Variants in RAE1 observed in about 807,000 individuals in gnomAD.
The protein encoded by RAE1 is mRNA export factor RAE1.
In RAE1, 13 loss-of-function variants were observed where a neutral mutation model predicts 52.7. That is an observed-to-expected ratio of 0.25 (90% CI 0.16 to 0.39). The LOEUF (loss-of-function observed/expected upper bound fraction) is 0.39. RAE1 is among the 10% of genes least tolerant of loss of function. RAE1 has a pLI of 1.00. For missense variants in RAE1, 262 were observed against 459.8 expected, an observed-to-expected ratio of 0.57 and a Z score of 3.93; for synonymous variants, 164 against 153.1, an observed-to-expected ratio of 1.07 and a Z score of -0.52.
At chr20:57,357,398 A>G (rs1193960455) in intron 4 of RAE1, 1 of 152,122 alleles carries the variant, frequency 6.6e-6, no homozygotes, top group East Asian at 1.9e-4. Context: ...GCATTAACGT[A>G]TGGTGATTGT....
At chr20:57,364,698 A>G (rs1333982298) in intron 4 of RAE1, among the ~76,000 whole-genome samples, 1 of 152,230 alleles carries the variant, frequency 6.6e-6, no homozygotes, top group African/African-American at 2.4e-5. Flanking sequence ...GGGTGCTTTC[A>G]AGCTGCAGTG....
intron 4 of RAE1, among the ~76,000 whole-genome samples, chr20:57,356,965 G>A (rs1281144499): frequency 6.6e-6 from 1 of 152,190 alleles, no homozygotes; most frequent in Non-Finnish European, 1.5e-5. Context: ...GAACACCCCA[G>A]CCTCTCTCCT....
In RAE1 at chr20:57,366,914, A is replaced by G. The variant is rs745862736; in HGVS notation, c.462+21A>G. 16 of 1,595,422 alleles carry G rather than the reference A, an allele frequency of 1.0e-5. No homozygotes were observed. The East Asian group carries it at 3.6e-4, about 36-fold the overall frequency. On this transcript the variant is annotated intron_variant, in intron 6 of 11. Transcript: ENST00000395841. ...TAAAGGTATAATGTGCAGTTGAGGC[A>G]TTGTTTGGCCCCATCAGGATTGTCA...
At chr20:57,353,399 G>C (rs1291874806) in intron 1 of RAE1, among the ~76,000 whole-genome samples, 1 of 152,200 alleles carries the variant, frequency 6.6e-6, no homozygotes, top group East Asian at 1.9e-4. Context: ...ACCCTGGTGG[G>C]CCTGTTAGAT....
chr20:57,377,499 G>A (rs2067132931), intron 11 of RAE1, among the ~76,000 whole-genome samples: 1 of 152,158 alleles, frequency 6.6e-6, no homozygotes, highest in African/African-American at 2.4e-5. Context: ...ATCCCCTCCG[G>A]TGTGGGCCCG....
intron 5 of RAE1, among the ~76,000 whole-genome samples, chr20:57,366,073 C>T (rs557191141): frequency 6.6e-6 from 1 of 152,320 alleles, no homozygotes; most frequent in East Asian, 1.9e-4. Flanking sequence ...CTAGAAACAT[C>T]TCATTGATCT....
At chr20:57,374,397 GTGT>G (rs1421208122) in intron 10 of RAE1, among the ~76,000 whole-genome samples, 1 of 152,172 alleles carries the variant, frequency 6.6e-6, no homozygotes, top group African/African-American at 2.4e-5. Context: ...ACTTTCTCTG[GTGT>G]GCAGCCCTCA....
At chr20:57,374,920 C>A in intron 11 of RAE1, 119 bp downstream of exon 11, 2 of 1,109,148 alleles carry the variant, frequency 1.8e-6, no homozygotes, top group Non-Finnish European at 1.4e-6. Context: ...TTGGGCAGGT[C>A]ACCGTCCCCT....
At chr20:57,374,556 T>G (rs1231058421) in intron 10 of RAE1, 51 bp from the exon 11 acceptor site, 1 of 1,533,334 alleles carries the variant, frequency 6.5e-7, no homozygotes, top group East Asian at 2.3e-5. Context: ...GGGTGGAACC[T>G]TCTCTGCGCC....
At chr20:57,355,780 AG>A (rs1261036464) in intron 3 of RAE1, among the ~76,000 whole-genome samples, 1 of 152,244 alleles carries the variant, frequency 6.6e-6, no homozygotes, top group Non-Finnish European at 1.5e-5. Context: ...TTAGGAGAAC[AG>A]GAGGGAGGAT....
chr20:57,351,286 C>T lies in RAE1; in HGVS notation c.-144C>T, dbSNP rs773635554. 89 of 985,492 alleles carry T rather than the reference C, an allele frequency of 9.0e-5. No individual in the cohort carries two copies. The highest frequency in any genetic ancestry group is 1.1e-4 in the Non-Finnish European group (88 of 829,950). 61.0% of individuals were successfully genotyped at this position (985,492 alleles called of 1,614,324 possible). A position where few individuals can be genotyped will look rare whatever the true frequency, so the allele number is the denominator to read the frequency against. On this transcript the variant is annotated 5_prime_UTR_variant, in exon 1 of 12. Transcript: ENST00000395841. ...GCGGTAGTCAGGGCAGTTTCTACCG[C>T]AGGCTTAAGGAGGCTTCGGGCTCCT...
intron 4 of RAE1, among the ~76,000 whole-genome samples, chr20:57,356,951 G>T (rs955282815): frequency 1.3e-5 from 2 of 152,198 alleles, no homozygotes; most frequent in African/African-American, 4.8e-5. Context: ...GGGAGCCAGG[G>T]GTTGAACACC....
rs772464481 is a variant in RAE1 at position 57,365,430 on chromosome 20, A to C, written c.363A>C (p.Ile121=). 13 of 1,604,718 alleles carry C rather than the reference A, an allele frequency of 8.1e-6. No individual in the cohort carries two copies. The highest frequency in any genetic ancestry group is 1.0e-5 in the Non-Finnish European group (12 of 1,174,068). Residue 121 remains isoleucine, a synonymous_variant, in exon 5 of 12, where the codon ATA becomes ATC. Transcript: ENST00000395841. ...KMWDLSSNQA[I]QIAQHDAPVK... is the part of the protein sequence containing the mutation. ...GGGACCTCAGCAGTAACCAAGCGAT[A>C]CAGATCGCACAGGTAACAGAAGCCT...
chr20:57,361,074 G>GA (rs1453405416), intron 4 of RAE1, among the ~76,000 whole-genome samples: 2 of 150,766 alleles, frequency 1.3e-5, no homozygotes, highest in African/African-American at 2.5e-5. Flanking sequence ...TACTTAAGTG[G>GA]AAAATTAAAG....
intron 8 of RAE1, among the ~76,000 whole-genome samples, chr20:57,370,702 C>G (rs983238292): frequency 6.6e-6 from 1 of 152,366 alleles, no homozygotes; most frequent in Non-Finnish European, 1.5e-5. Context: ...GTACCATCTA[C>G]TTTATACGTA....
intron 3 of RAE1, among the ~76,000 whole-genome samples, chr20:57,356,163 G>A (rs2066783033): frequency 6.6e-6 from 1 of 152,188 alleles, no homozygotes; most frequent in Non-Finnish European, 1.5e-5. Context: ...GAATGGTAAT[G>A]GGTAAGTGAT....
rs567280574 is a variant in RAE1, at chr20:57,375,168, C to T, written c.1020+367C>T. 6.7e-5 allele frequency: 42 copies of T among 622,236 alleles called. No individual in the cohort carries two copies. The East Asian group carries it at 1.1e-3, about 17-fold the overall frequency. The allele number at this position is 622,236 out of a possible 1,614,324, so 38.5% of individuals were successfully genotyped here. On this transcript the variant is annotated intron_variant, in intron 11 of 11. Coordinates refer to ENST00000395841, the MANE Select transcript of RAE1 (RefSeq NM_003610.4). The stretch of plus-strand genomic sequence containing the variant: ...TTGCTTGGTTGGCTGGTGGTTTGGG[C>T]AGGGGGAGTTAGGAGCTGGCAGGAG...
intron 4 of RAE1, chr20:57,358,334 G>A (rs890555774): frequency 1.3e-5 from 2 of 152,228 alleles, no homozygotes; most frequent in South Asian, 2.1e-4. Flanking sequence ...CGATAAGAGT[G>A]GGGATAATGA....
At chr20:57,370,121 C>A (rs758033873) in intron 8 of RAE1, among the ~76,000 whole-genome samples, 19 of 152,306 alleles carry the variant, frequency 1.2e-4, no homozygotes, top group Non-Finnish European at 2.2e-4. Flanking sequence ...GTACTGCCCG[C>A]GTCCCTATTC....
Sources: gnomAD v4.1 joint callset for allele counts (sites outside exome capture counted in the v4.1 genomes callset) on GRCh38, gnomAD v4.1.1 for gene constraint, MANE v1.5 for transcripts, NCBI Gene and HGNC (gene_info 2026-07-23, HGNC 2026-07-21) for gene names.